The following USP24 variants were observed in gnomAD, a reference collection of about 807,000 sequenced individuals.
USP24 encodes ubiquitin carboxyl-terminal hydrolase 24.
A neutral mutation model predicts 361.6 loss-of-function variants in USP24; 97 were observed. The observed-to-expected ratio is 0.27, with a 90% CI of 0.23 to 0.32. USP24 has a LOEUF of 0.32. Among genes scored for constraint, USP24 ranks in the 10% least tolerant of loss-of-function variants. USP24 has a pLI of 1.00. For missense variants in USP24, 2,353 were observed against 3,165.6 expected (o/e 0.74, Z 6.16); for synonymous variants, 1,098 against 1,124.6 (o/e 0.98, Z 0.47).
intron 8 of USP24, among the ~76,000 whole-genome samples, chr1:55,160,969 T>C (rs1313621019): frequency 6.6e-6 from 1 of 152,232 alleles, no homozygotes; most frequent in Non-Finnish European, 1.5e-5. Context: ...ATTAGCTGTT[T>C]CTAAAGGTTT....
intron 8 of USP24, among the ~76,000 whole-genome samples, chr1:55,161,338 C>T (rs1242660719): frequency 4.0e-5 from 6 of 151,006 alleles, no homozygotes; most frequent in Admixed American, 4.0e-4. Context: ...CACCACTGCT[C>T]TCCAGCCTGG....
In USP24 at chr1:55,094,007, A is replaced by G; in HGVS notation, c.6284T>C (p.Leu2095Pro). Residue 2095 changes from leucine to proline, a missense_variant, in exon 52 of 68, where the codon CTT becomes CCT. Around this residue, in one of 8 missense-constraint regions of USP24, gnomAD observed 598 missense variants for 761.9 expected, o/e 0.78. Transcript: ENST00000294383. ...HRPNNDRLSI[L>P]TKLVKKGEKK... ...CTCGCCTTTTTTAACCAGCTTGGTAAGAATAGACAGCCGGTCATTGTTCGG... is the reference window on the plus strand; with the variant it reads ...CTCGCCTTTTTTAACCAGCTTGGTAGGAATAGACAGCCGGTCATTGTTCGG... 6.2e-7 allele frequency: 1 copy of G among 1,613,902 alleles called. No individual in the cohort carries two copies. Among genetic ancestry groups the G allele is most frequent in the Non-Finnish European group, 8.5e-7 (1 of 1,179,880 alleles).
chr1:55,124,627 G>A lies in USP24; in HGVS notation c.3962C>T (p.Thr1321Ile), dbSNP rs1646373688. 6.2e-7 allele frequency: 1 copy of A among 1,613,588 alleles called. No individual in the cohort carries two copies. Among genetic ancestry groups the A allele is most frequent in the Admixed American group, 1.7e-5 (1 of 59,984 alleles). ...AGAAGTGAAATCACTTACTTCCATT[G>A]TCTAAAGAATGGAACAAGTATTATG... The part of the protein sequence containing the change: ...IIPAARVAIQ[T>I]MEVSDFTSTV... Residue 1321 changes from threonine (T) to isoleucine (I), a missense_variant and splice_region_variant, in exon 35 of 68, where the codon ACA becomes ATA. Thr to Ile is a moderately conservative substitution (Grantham distance 89). Coordinates refer to ENST00000294383, the MANE Select transcript of USP24 (RefSeq NM_015306.3).
At chr1:55,173,183 GA>G (rs1346866858) in intron 3 of USP24, among the ~76,000 whole-genome samples, 1 of 151,630 alleles carries the variant, frequency 6.6e-6, no homozygotes, top group Non-Finnish European at 1.5e-5. Flanking sequence ...CTCAGAATGT[GA>G]AAAAAAATCT....
chr1:55,101,463 A>G lies in USP24; in HGVS notation c.5145+121T>C, dbSNP rs144693024. On this transcript the variant is annotated intron_variant, in intron 43 of 67. Transcript: ENST00000294383. ...GTCTTTACACATTTCAGGAGCTACT[A>G]AAGAATTGCAAGTTATGTCTTGTTT... 5.2e-5 allele frequency: 71 copies of G among 1,369,186 alleles called. 1 individual carries two copies. The African/African-American group carries it at 6.6e-4, about 13-fold the overall frequency. 84.8% of individuals were successfully genotyped at this position (1,369,186 alleles called of 1,614,324 possible). A position where few individuals can be genotyped will look rare whatever the true frequency, so the allele number is the denominator to read the frequency against.
chr1:55,098,378 G>T, intron 46 of USP24, 98 bp downstream of exon 46: 1 of 1,099,458 alleles, frequency 9.1e-7, no homozygotes, highest in Non-Finnish European at 1.3e-6. Context: ...CAGGGAGAGA[G>T]TTCTAAGTCT....
At chr1:55,092,297 C>T (rs542024036) in intron 53 of USP24, among the ~76,000 whole-genome samples, 171 bp from the exon 54 acceptor site, 83 of 152,246 alleles carry the variant, frequency 5.5e-4, no homozygotes, top group African/African-American at 1.9e-3. Context: ...AAAAATGTTC[C>T]ATTTAAATTT....
intron 61 of USP24, among the ~76,000 whole-genome samples, chr1:55,077,734 TGAA>T: frequency 6.6e-6 from 1 of 152,324 alleles, no homozygotes; most frequent in Non-Finnish European, 1.5e-5. Context: ...ATATACTAAG[TGAA>T]GAAGGCAAAA....
intron 1 of USP24, among the ~76,000 whole-genome samples, chr1:55,200,355 T>C (rs1398370120): frequency 6.6e-6 from 1 of 152,188 alleles, no homozygotes; most frequent in Non-Finnish European, 1.5e-5. Flanking sequence ...ATGTTGGCCA[T>C]CCCTAGCAGC....
chr1:55,084,298 C>T (rs778760118), intron 56 of USP24: 92 of 167,890 alleles, frequency 5.5e-4, no homozygotes, highest in Non-Finnish European at 5.4e-4. Flanking sequence ...AACACAGACA[C>T]AGGCATAGGG....
intron 38 of USP24, among the ~76,000 whole-genome samples, chr1:55,116,733 C>T (rs537144995): frequency 6.6e-6 from 1 of 151,444 alleles, no homozygotes; most frequent in African/African-American, 2.4e-5. Flanking sequence ...AAAGAAAAGC[C>T]CTGGACCAGA....
rs550924741 is a variant in USP24, at chr1:55,096,665, T to A, written c.5937-43A>T. ...GACAAACATTATAAGGTTAAAAAAA[T>A]CAACCTCCTCATCCTTAGCATTGAT... On this transcript the variant is annotated intron_variant, in intron 49 of 67. Coordinates refer to ENST00000294383, the MANE Select transcript of USP24 (RefSeq NM_015306.3). 5.7e-6 allele frequency: 9 copies of A among 1,584,142 alleles called. No individual in the cohort carries two copies. In the African/African-American group the frequency reaches 8.2e-5, roughly 14 times the overall value.
intron 58 of USP24, 142 bp from the exon 59 acceptor site, chr1:55,081,566 A>C (rs144964119): frequency 1.0e-5 from 8 of 787,592 alleles, no homozygotes; most frequent in Non-Finnish European, 1.5e-5. Flanking sequence ...GGTACAAAAA[A>C]ATCACAGGTT....
In USP24 at chr1:55,094,880, G is replaced by A. The variant is rs192862859; in HGVS notation, c.6203+375C>T. Among the ~76,000 whole-genome samples, 111 of 152,108 alleles carry A rather than the reference G, an allele frequency of 7.3e-4. No individual in the cohort carries two copies. The Middle Eastern group carries it at 0.02, about 28-fold the overall frequency. ...TATCTGGGCCTGGTGCCCCTCGCCT[G>A]TGGTCCCAGCTATTCAAGAGGCTGA... On this transcript the variant is annotated intron_variant, in intron 51 of 67. Transcript: ENST00000294383.
chr1:55,120,494 T>G lies in USP24; in HGVS notation c.4508+102A>C, dbSNP rs1008331506. Reference sequence around the variant, plus strand: ...AAATTTCAGAAGAAGAAAGAAATTCTAGTCATCTCAATAATGCACTGTGGA... The same window carrying G: ...AAATTTCAGAAGAAGAAAGAAATTCGAGTCATCTCAATAATGCACTGTGGA... On this transcript the variant is annotated intron_variant, in intron 38 of 67. Coordinates refer to ENST00000294383, the MANE Select transcript of USP24 (RefSeq NM_015306.3). The G allele has an allele frequency of 3.8e-6, 5 of 1,306,966 alleles. No individual in the cohort carries two copies. The African/African-American group carries it at 6.0e-5, about 16-fold the overall frequency. 81.0% of individuals were successfully genotyped at this position (1,306,966 alleles called of 1,614,324 possible). A position where few individuals can be genotyped will look rare whatever the true frequency, so the allele number is the denominator to read the frequency against.
At chr1:55,155,274 A>G (rs1647520121) in intron 12 of USP24, among the ~76,000 whole-genome samples, 1 of 152,214 alleles carries the variant, frequency 6.6e-6, no homozygotes, top group Non-Finnish European at 1.5e-5. Flanking sequence ...CTGCAGAGCT[A>G]TAGACCCTAT....
At position 55,164,682 on chromosome 1, in the gene USP24, T is replaced by A. The variant is rs140400168; in HGVS notation, c.927+1203A>T. Among the ~76,000 whole-genome samples the A allele has an allele frequency of 5.3e-5, 8 of 151,970 alleles. No individual in the cohort carries two copies. The East Asian group carries it at 1.5e-3, about 29-fold the overall frequency. On this transcript the variant is annotated intron_variant, in intron 7 of 67. Transcript: ENST00000294383. Reference sequence around the variant, plus strand: ...AAAATGGTCTGACCTTATGGAAAAATCTTGCAAGACTCTTTAACTTTAGCA... The same window carrying A: ...AAAATGGTCTGACCTTATGGAAAAAACTTGCAAGACTCTTTAACTTTAGCA...
chr1:55,080,795 G>C (rs1645133891), intron 59 of USP24, among the ~76,000 whole-genome samples: 1 of 152,136 alleles, frequency 6.6e-6, no homozygotes, highest in Non-Finnish European at 1.5e-5. Context: ...TTAGTTCTGG[G>C]AGACAAAATG....
chr1:55,187,384 T>G (rs948541844), intron 1 of USP24, among the ~76,000 whole-genome samples: 1 of 152,216 alleles, frequency 6.6e-6, no homozygotes, highest in Non-Finnish European at 1.5e-5. Context: ...AGATCAGGAA[T>G]GAGACAAAGA....
Sources: allele counts gnomAD v4.1 joint callset (sites outside exome capture counted in the v4.1 genomes callset), GRCh38; gene constraint gnomAD v4.1.1; regional missense constraint gnomAD v4.1.1; transcripts MANE v1.5; gene names NCBI Gene and HGNC (gene_info 2026-07-23, HGNC 2026-07-21).